Variants in FHL2 observed in about 807,000 individuals in gnomAD.
The protein encoded by FHL2 is four and a half LIM domains 2, also known as four and a half LIM domains protein 2.
In FHL2, 20 loss-of-function variants were observed where a neutral mutation model predicts 32.7. The ratio of observed to expected loss-of-function variants is 0.61; its 90% confidence interval spans 0.43 to 0.89. FHL2 has a LOEUF of 0.89. FHL2 is among the 40% of genes least tolerant of loss of function. The pLI, the probability that FHL2 is intolerant of heterozygous loss-of-function variation, is 0.00. For missense variants in FHL2, 311 were observed against 358.6 expected (o/e 0.87, Z 1.07); for synonymous variants, 123 against 128.1 (o/e 0.96, Z 0.27).
intron 1 of FHL2, among the ~76,000 whole-genome samples, chr2:105,417,081 T>A (rs545297183): frequency 6.6e-6 from 1 of 152,316 alleles, no homozygotes; most frequent in African/African-American, 2.4e-5. Context: ...TCACTCTGAA[T>A]ACTAAAAAGA....
intron 5 of FHL2, among the ~76,000 whole-genome samples, chr2:105,366,593 A>G (rs886996420): frequency 2.6e-5 from 4 of 152,226 alleles, no homozygotes; most frequent in African/African-American, 9.6e-5. Flanking sequence ...CAGAGGGCAC[A>G]GCAGAAAACT....
intron 1 of FHL2, among the ~76,000 whole-genome samples, chr2:105,436,665 A>T (rs1443495942): frequency 6.6e-6 from 1 of 152,096 alleles, no homozygotes; most frequent in Admixed American, 6.6e-5. Context: ...TTTAAAAAAA[A>T]CGAATATTAA....
upstream of FHL2, among the ~76,000 whole-genome samples, chr2:105,402,609 T>C (rs1468976572): frequency 6.6e-6 from 1 of 152,076 alleles, no homozygotes; most frequent in East Asian, 1.9e-4. Flanking sequence ...GGAAACAAAT[T>C]TGTTAAACTG....
chr2:105,430,890 T>G (rs1436413527), intron 1 of FHL2, among the ~76,000 whole-genome samples: 1 of 152,188 alleles, frequency 6.6e-6, no homozygotes, highest in Non-Finnish European at 1.5e-5. Context: ...CTGTTGCCAT[T>G]AGGCCATACC....
Position 105,424,089 on chromosome 2 carries a change from C to T in FHL2, c.-25+14310G>A, listed in dbSNP as rs553665240. ...TCAACTATCATCAGAGTTGAACAGG[C>T]AACCTACAGAATGGGAGAAAATTTT... On this transcript the variant is annotated intron_variant, in intron 1 of 5. Transcript: ENST00000393352. Among the ~76,000 whole-genome samples, 9 of 149,526 alleles carry T rather than the reference C, an allele frequency of 6.0e-5. No homozygotes were observed. In the South Asian group the frequency reaches 1.9e-3, roughly 32 times the overall value.
At chr2:105,385,109 C>G (rs988887149) in intron 3 of FHL2, among the ~76,000 whole-genome samples, 2 of 152,186 alleles carry the variant, frequency 1.3e-5, no homozygotes, top group African/African-American at 4.8e-5. Context: ...AGTTTCGTTT[C>G]TTTTACATTC....
intron 6 of FHL2, chr2:105,363,056 C>T: frequency 1.9e-6 from 1 of 515,658 alleles, no homozygotes; most frequent in Non-Finnish European, 3.5e-6. Flanking sequence ...AACTGGAGCA[C>T]TGGCCATATG....
At chr2:105,388,327 G>GA (rs1682472344) in intron 2 of FHL2, among the ~76,000 whole-genome samples, 3 of 152,108 alleles carry the variant, frequency 2.0e-5, no homozygotes, top group African/African-American at 7.2e-5. Flanking sequence ...TACGCAGTGT[G>GA]AATAAGCAGC....
chr2:105,399,419 G>GA, upstream of FHL2: 1 of 1,536,180 alleles, frequency 6.5e-7, no homozygotes, highest in Non-Finnish European at 8.7e-7. Context: ...GGACGTGCCG[G>GA]GGGAGGCGGA....
rs1043575557 is a variant in FHL2 at position 105,422,365 on chromosome 2, G to T, written c.-25+16034C>A. 2.0e-5 allele frequency among the ~76,000 whole-genome samples: 3 copies of T among 152,270 alleles called. No individual in the cohort carries two copies. The East Asian group carries it at 5.8e-4, about 29-fold the overall frequency. On this transcript the variant is annotated intron_variant, in intron 1 of 5. Transcript: ENST00000393352. ...TGTCATGTGCATGGGAATTGCAGGG[G>T]CCCTATGTGGATGGATCCTTGGTGC...
intron 6 of FHL2, among the ~76,000 whole-genome samples, 156 bp from the exon 7 acceptor site, chr2:105,361,590 A>T (rs1363796565): frequency 6.6e-6 from 1 of 152,210 alleles, no homozygotes; most frequent in Admixed American, 6.5e-5. Flanking sequence ...TCCATATGTA[A>T]ATCAGATTCT....
intron 5 of FHL2, among the ~76,000 whole-genome samples, chr2:105,364,429 G>T (rs1485768623): frequency 6.6e-6 from 1 of 152,160 alleles, no homozygotes; most frequent in East Asian, 1.9e-4. Context: ...GGAAGTTTTG[G>T]GAAAAATAAG....
At chr2:105,389,193 G>C (rs926279259) in intron 2 of FHL2, among the ~76,000 whole-genome samples, 1 of 152,186 alleles carries the variant, frequency 6.6e-6, no homozygotes. Context: ...AGAAAACATT[G>C]TCTGGACATT....
chr2:105,397,556 G>A (rs1683225707), intron 1 of FHL2, among the ~76,000 whole-genome samples: 2 of 148,746 alleles, frequency 1.3e-5, no homozygotes, highest in Admixed American at 1.3e-4. Flanking sequence ...GGCTATTTGT[G>A]AGACGGTGAG....
upstream of FHL2, chr2:105,399,317 G>C: frequency 6.5e-7 from 1 of 1,535,860 alleles, no homozygotes; most frequent in Non-Finnish European, 8.7e-7. Flanking sequence ...TCTCGGGCGC[G>C]AGTTTCGGAC....
At chr2:105,426,519 C>G (rs10196770) in intron 1 of FHL2, among the ~76,000 whole-genome samples, 118,953 of 152,130 alleles carry the variant, frequency 0.78, 46,563 homozygotes, top group East Asian at 0.89. Context: ...CTGCTCTGCA[C>G]CAGGGTCACC....
intron 1 of FHL2, among the ~76,000 whole-genome samples, chr2:105,416,390 G>A (rs1320530288): frequency 3.9e-5 from 6 of 152,184 alleles, no homozygotes; most frequent in Admixed American, 3.9e-4. Flanking sequence ...TGAAATTTAT[G>A]AAGGAAATGC....
At chr2:105,433,946 G>A (rs1046673310) in intron 1 of FHL2, among the ~76,000 whole-genome samples, 11 of 152,208 alleles carry the variant, frequency 7.2e-5, no homozygotes, top group African/African-American at 2.6e-4. Context: ...AAGTGAGGTA[G>A]CCCTTGTCCT....
At chr2:105,384,109 A>G (rs1179496146) in intron 3 of FHL2, among the ~76,000 whole-genome samples, 1 of 152,168 alleles carries the variant, frequency 6.6e-6, no homozygotes, top group Non-Finnish European at 1.5e-5. Context: ...TTTTTATTTC[A>G]GCCACTGGTC....
Sources: allele counts gnomAD v4.1 joint callset (sites outside exome capture counted in the v4.1 genomes callset), GRCh38; gene constraint gnomAD v4.1.1; transcripts MANE v1.5; gene names NCBI Gene and HGNC (gene_info 2026-07-23, HGNC 2026-07-21).